Variants in SH3RF3 observed in about 807,000 individuals in gnomAD.
The protein encoded by SH3RF3 is E3 ubiquitin-protein ligase SH3RF3.
In SH3RF3, 29 loss-of-function variants were observed where a neutral mutation model predicts 66.3. That is an observed-to-expected ratio of 0.44 (90% CI 0.33 to 0.60). The LOEUF is 0.60. Among genes scored for constraint, SH3RF3 ranks in the 20% least tolerant of loss-of-function variants. The pLI, the probability that SH3RF3 is intolerant of heterozygous loss-of-function variation, is 0.04. For synonymous variants in SH3RF3, 583 were observed against 532.0 expected, an observed-to-expected ratio of 1.10 and a Z score of -1.32; for missense variants, 1,194 against 1,190.9, an observed-to-expected ratio of 1.00 and a Z score of -0.04.
chr2:109,276,560 A>G (rs1187385315), intron 1 of SH3RF3, among the ~76,000 whole-genome samples: 1 of 152,218 alleles, frequency 6.6e-6, no homozygotes, highest in African/African-American at 2.4e-5. Flanking sequence ...GTAACTGGAG[A>G]AAACTTGTGT....
chr2:109,466,875 TTGTG>T (rs1220906445), intron 8 of SH3RF3, among the ~76,000 whole-genome samples: 6 of 152,156 alleles, frequency 3.9e-5, no homozygotes, highest in Non-Finnish European at 7.4e-5. Flanking sequence ...GTGTATATGT[TTGTG>T]TGTATATGTG....
intron 1 of SH3RF3, among the ~76,000 whole-genome samples, chr2:109,302,416 A>G (rs1423262635): frequency 2.6e-5 from 4 of 152,184 alleles, no homozygotes; most frequent in South Asian, 2.1e-4. Flanking sequence ...AACTGGTGCA[A>G]TCCTGCCATG....
chr2:109,215,353 C>T (rs543152505), intron 1 of SH3RF3, among the ~76,000 whole-genome samples: 1 of 152,232 alleles, frequency 6.6e-6, no homozygotes, highest in South Asian at 2.1e-4. Context: ...TGATTTAACA[C>T]CAGAGAAGGG....
At chr2:109,284,876 G>A (rs934067684) in intron 1 of SH3RF3, among the ~76,000 whole-genome samples, 8 of 152,292 alleles carry the variant, frequency 5.3e-5, no homozygotes, top group African/African-American at 9.6e-5. Context: ...GCTCTTGAAC[G>A]TGCTGACTTT....
intron 1 of SH3RF3, among the ~76,000 whole-genome samples, chr2:109,327,732 C>A (rs950635400): frequency 6.6e-6 from 1 of 152,154 alleles, no homozygotes; most frequent in Admixed American, 6.5e-5. Flanking sequence ...AAAATAGCAA[C>A]AAAAATATAA....
intron 1 of SH3RF3, among the ~76,000 whole-genome samples, chr2:109,310,862 C>T (rs1574565411): frequency 1.3e-5 from 1 of 76,590 alleles, no homozygotes; most frequent in East Asian, 4.2e-4. Flanking sequence ...AGTTTACCAA[C>T]CAAAAAGAGT....
At chr2:109,212,652 A>G (rs969973920) in intron 1 of SH3RF3, among the ~76,000 whole-genome samples, 2 of 152,076 alleles carry the variant, frequency 1.3e-5, no homozygotes, top group East Asian at 1.9e-4. Context: ...CCAGATAGCA[A>G]CCTCCCTTTT....
At chr2:109,366,340 T>C (rs1683152249) in intron 2 of SH3RF3, among the ~76,000 whole-genome samples, 1 of 152,226 alleles carries the variant, frequency 6.6e-6, no homozygotes, top group Admixed American at 6.5e-5. Context: ...GGAATGTCTC[T>C]GTGTAGTTAG....
At position 109,344,805 on chromosome 2, in the gene SH3RF3, G is replaced by A. The variant is rs180864928; in HGVS notation, c.574-2869G>A. On this transcript the variant is annotated intron_variant, in intron 1 of 9. Transcript: ENST00000309415. ...CGAGCAGCTGAGTGGGGATTTCATGGCCAGAGGAGGTAGGGCTGGAGGGAC... is the reference window on the plus strand; with the variant it reads ...CGAGCAGCTGAGTGGGGATTTCATGACCAGAGGAGGTAGGGCTGGAGGGAC... 2.1e-4 allele frequency among the ~76,000 whole-genome samples: 32 copies of A among 152,280 alleles called. No homozygotes were observed. The East Asian group carries it at 6.0e-3, about 29-fold the overall frequency.
chr2:109,197,772 C>T (rs575783543), intron 1 of SH3RF3, among the ~76,000 whole-genome samples: 1 of 152,344 alleles, frequency 6.6e-6, no homozygotes, highest in African/African-American at 2.4e-5. Flanking sequence ...CTGGCCCTGC[C>T]TGAGGAAGCC....
At chr2:109,290,675 AG>A (rs1379270312) in intron 1 of SH3RF3, among the ~76,000 whole-genome samples, 1 of 152,152 alleles carries the variant, frequency 6.6e-6, no homozygotes, top group Non-Finnish European at 1.5e-5. Flanking sequence ...GGTCTTTGGG[AG>A]CAAGGATGCA....
At chr2:109,228,614 G>A (rs1480544757) in intron 1 of SH3RF3, among the ~76,000 whole-genome samples, 5 of 152,102 alleles carry the variant, frequency 3.3e-5, no homozygotes, top group African/African-American at 1.2e-4. Flanking sequence ...TGCAAGAGGT[G>A]TCTTCAGGTT....
intron 1 of SH3RF3, among the ~76,000 whole-genome samples, chr2:109,173,314 C>G (rs1217394511): frequency 6.6e-6 from 1 of 152,166 alleles, no homozygotes; most frequent in Non-Finnish European, 1.5e-5. Flanking sequence ...GTTTTCTCCT[C>G]AGACTCTCCT....
chr2:109,454,346 CCT>C (rs888140250), intron 8 of SH3RF3, among the ~76,000 whole-genome samples: 26 of 152,342 alleles, frequency 1.7e-4, no homozygotes, highest in African/African-American at 6.3e-4. Flanking sequence ...GTGACCCGAA[CCT>C]TCACTCCTGA....
At chr2:109,130,431 C>T (rs1397816930) in intron 1 of SH3RF3, among the ~76,000 whole-genome samples, 2 of 152,212 alleles carry the variant, frequency 1.3e-5, no homozygotes. Context: ...TCCCTAGAAA[C>T]GGGGACCTTC....
chr2:109,338,490 A>G (rs1453343093), intron 1 of SH3RF3, among the ~76,000 whole-genome samples: 1 of 151,702 alleles, frequency 6.6e-6, no homozygotes, highest in Non-Finnish European at 1.5e-5. Flanking sequence ...TTTGTATTAC[A>G]CTTGACCCTT....
intron 1 of SH3RF3, among the ~76,000 whole-genome samples, chr2:109,162,468 G>A (rs1044641056): frequency 6.6e-6 from 1 of 152,000 alleles, no homozygotes; most frequent in Non-Finnish European, 1.5e-5. Context: ...CAACGTGCAG[G>A]CTTGTTACCT....
intron 1 of SH3RF3, among the ~76,000 whole-genome samples, chr2:109,142,061 T>G (rs1574471228): frequency 6.7e-6 from 1 of 148,818 alleles, no homozygotes; most frequent in South Asian, 2.1e-4. Flanking sequence ...GGGTCTCAGG[T>G]ATGTGCCTAG....
chr2:109,408,181 C>T (rs183194513), intron 4 of SH3RF3, among the ~76,000 whole-genome samples: 1 of 152,266 alleles, frequency 6.6e-6, no homozygotes. Flanking sequence ...TGAATGCCCA[C>T]CGGTAGGCCC....
Sources: gnomAD v4.1 joint callset for allele counts (sites outside exome capture counted in the v4.1 genomes callset) on GRCh38, gnomAD v4.1.1 for gene constraint, MANE v1.5 for transcripts, NCBI Gene and HGNC (gene_info 2026-07-23, HGNC 2026-07-21) for gene names.